The following CDH18 variants were observed in gnomAD, a reference collection of about 807,000 sequenced individuals.
CDH18 encodes the protein cadherin 18, also known as cadherin-18.
CDH18 carries 31 observed loss-of-function variants against 67.9 expected under a neutral mutation model. The observed-to-expected ratio is 0.46, with a 90% CI of 0.34 to 0.62. The LOEUF is 0.62. Among genes scored for constraint, CDH18 ranks in the 20% least tolerant of loss-of-function variants. CDH18 has a pLI of 0.01. For synonymous variants in CDH18, 362 were observed against 347.2 expected, an observed-to-expected ratio of 1.04 and a Z score of -0.48; for missense variants, 890 against 975.5, an observed-to-expected ratio of 0.91 and a Z score of 1.17.
intron 1 of CDH18, chr5:20,304,320 T>C (rs1371519385): frequency 1.7e-5 from 27 of 1,588,218 alleles, no homozygotes; most frequent in Non-Finnish European, 2.0e-5. Flanking sequence ...AGAGTACCTA[T>C]GACTTTCTCT....
intron 12 of CDH18, among the ~76,000 whole-genome samples, chr5:19,478,060 GAATT>G (rs1190946791): frequency 1.3e-5 from 2 of 151,970 alleles, no homozygotes; most frequent in Admixed American, 1.3e-4. Flanking sequence ...GGAGTTTTAT[GAATT>G]AATTTTATCA....
intron 5 of CDH18, among the ~76,000 whole-genome samples, chr5:19,702,038 T>C (rs1360913117): frequency 1.3e-5 from 2 of 152,046 alleles, no homozygotes; most frequent in African/African-American, 4.8e-5. Flanking sequence ...AGCTCCTGCT[T>C]TAAGGATTAC....
At chr5:20,160,049 G>T (rs532943091) in intron 2 of CDH18, among the ~76,000 whole-genome samples, 1 of 152,034 alleles carries the variant, frequency 6.6e-6, no homozygotes, top group Non-Finnish European at 1.5e-5. Context: ...GAAAAATTTT[G>T]TCTCAGCAAA....
At chr5:19,527,282 A>G (rs1346959111) in intron 9 of CDH18, among the ~76,000 whole-genome samples, 1 of 151,790 alleles carries the variant, frequency 6.6e-6, no homozygotes, top group East Asian at 1.9e-4. Flanking sequence ...AGTCATATTA[A>G]GTTTTAGTTA....
intron 4 of CDH18, among the ~76,000 whole-genome samples, chr5:19,745,273 CTTTGAGTTACAGAAATCTGTTT>C (rs1283456075): frequency 6.6e-6 from 1 of 152,176 alleles, no homozygotes; most frequent in East Asian, 1.9e-4. Context: ...AAGCAAAAGG[CTTTGAGTTACAGAAATCTGTTT>C]GTGGCATCCA....
intron 1 of CDH18, among the ~76,000 whole-genome samples, chr5:20,436,843 G>A (rs1749203529): frequency 6.6e-6 from 1 of 150,676 alleles, no homozygotes; most frequent in Non-Finnish European, 1.5e-5. Context: ...AAAACTGTTA[G>A]TAAGGGAAGT....
At chr5:19,656,454 T>C (rs915650476) in intron 5 of CDH18, among the ~76,000 whole-genome samples, 2 of 152,112 alleles carry the variant, frequency 1.3e-5, no homozygotes, top group African/African-American at 4.8e-5. Context: ...TCAAGTGTTA[T>C]TGAGTCTGAC....
rs946800800 is a variant in CDH18, at chr5:20,405,451, A to C, written c.-579-149946T>G. ...AAAAATTAATTCAAGATGGATTAAA[A>C]ACTTAAATGTTAGACCTAAAACCAT... On this transcript the variant is annotated intron_variant, in intron 1 of 14. Coordinates refer to the CDH18 transcript ENST00000507958. Among the ~76,000 whole-genome samples, 4 of 152,102 alleles carry C rather than the reference A, an allele frequency of 2.6e-5. No homozygotes were observed. In the East Asian group the frequency reaches 5.8e-4, roughly 22 times the overall value.
intron 1 of CDH18, among the ~76,000 whole-genome samples, chr5:20,513,125 T>G (rs1755150663): frequency 6.6e-6 from 1 of 152,196 alleles, no homozygotes; most frequent in Non-Finnish European, 1.5e-5. Context: ...GAAAAAATAC[T>G]TATTAATATT....
chr5:20,270,641 C>A (rs1373041868), intron 1 of CDH18, among the ~76,000 whole-genome samples: 3 of 151,808 alleles, frequency 2.0e-5, no homozygotes, highest in African/African-American at 7.3e-5. Context: ...GGGTATATAC[C>A]AAAAGGAATA....
At chr5:19,848,242 C>T (rs773756731) in intron 2 of CDH18, 5 of 152,178 alleles carry the variant, frequency 3.3e-5, no homozygotes, top group Non-Finnish European at 7.3e-5. Flanking sequence ...ATCAGTCTCT[C>T]AGGTAGCTTC....
intron 2 of CDH18, among the ~76,000 whole-genome samples, chr5:19,941,375 T>G (rs1385921768): frequency 6.6e-6 from 1 of 152,094 alleles, no homozygotes; most frequent in African/African-American, 2.4e-5. Context: ...ATAACTAATT[T>G]GTTAAAATGC....
intron 2 of CDH18, among the ~76,000 whole-genome samples, chr5:20,037,825 C>T (rs1740025055): frequency 6.6e-6 from 1 of 151,990 alleles, no homozygotes; most frequent in Non-Finnish European, 1.5e-5. Context: ...CATTCAAAAG[C>T]TAGCAAAAGA....
intron 1 of CDH18, among the ~76,000 whole-genome samples, chr5:20,437,855 T>A (rs1262255358): frequency 6.6e-6 from 1 of 151,346 alleles, no homozygotes. Flanking sequence ...AGAAAAATCC[T>A]GTGTGTATAA....
chr5:19,847,801 T>C (rs959561110), intron 2 of CDH18, among the ~76,000 whole-genome samples: 14 of 152,140 alleles, frequency 9.2e-5, no homozygotes, highest in African/African-American at 2.2e-4. Flanking sequence ...TTTTGACTTA[T>C]GTGTGTATAT....
chr5:20,385,296 G>C (rs1025844837), intron 1 of CDH18, among the ~76,000 whole-genome samples: 2 of 152,142 alleles, frequency 1.3e-5, no homozygotes, highest in African/African-American at 4.8e-5. Flanking sequence ...ACTCTTTAGA[G>C]AGAACGATTG....
chr5:20,291,321 T>A (rs1402021676), intron 1 of CDH18, among the ~76,000 whole-genome samples: 2 of 151,958 alleles, frequency 1.3e-5, no homozygotes, highest in Non-Finnish European at 2.9e-5. Flanking sequence ...CAGCCAGAAA[T>A]GAAGACTAAG....
chr5:20,525,210 G>C (rs375480145), intron 1 of CDH18, among the ~76,000 whole-genome samples: 2 of 152,192 alleles, frequency 1.3e-5, no homozygotes, highest in African/African-American at 2.4e-5. Flanking sequence ...TTGCTGGGGG[G>C]ACTGCTGGAC....
chr5:20,229,306 T>G, intron 2 of CDH18, among the ~76,000 whole-genome samples: 1 of 152,112 alleles, frequency 6.6e-6, no homozygotes, highest in Non-Finnish European at 1.5e-5. Flanking sequence ...CCAATTATTA[T>G]TATTATGTGA....
Sources: gnomAD v4.1 joint callset for allele counts (sites outside exome capture counted in the v4.1 genomes callset) on GRCh38, gnomAD v4.1.1 for gene constraint, MANE v1.5 for transcripts, NCBI Gene and HGNC (gene_info 2026-07-23, HGNC 2026-07-21) for gene names.